Variants in EPHA6 observed in about 807,000 individuals in gnomAD.
EPHA6 encodes the protein ephrin type-A receptor 6.
Under a neutral mutation model 112.0 loss-of-function variants are expected in EPHA6, and 50 were observed. The observed-to-expected ratio is 0.45, with a 90% CI of 0.36 to 0.56. EPHA6 has a LOEUF of 0.56. Ranked by LOEUF, EPHA6 falls within the 20% of genes least tolerant of loss-of-function variation. EPHA6 has a pLI of 0.00. For missense variants in EPHA6, 1,280 were observed against 1,417.4 expected (o/e 0.90, Z 1.56); for synonymous variants, 529 against 490.7 (o/e 1.08, Z -1.03).
intron 10 of EPHA6, among the ~76,000 whole-genome samples, chr3:97,486,494 C>T (rs893830295): frequency 2.0e-5 from 3 of 152,094 alleles, no homozygotes. Flanking sequence ...AAGGTCCTGG[C>T]GGCTGAAGTC....
intron 5 of EPHA6, among the ~76,000 whole-genome samples, chr3:97,335,122 A>G (rs1485447686): frequency 1.3e-5 from 2 of 152,158 alleles, no homozygotes; most frequent in Non-Finnish European, 2.9e-5. Flanking sequence ...CCTAACTCCC[A>G]TTGAGACGTG....
At chr3:97,471,911 C>G (rs1224491972) in intron 7 of EPHA6, among the ~76,000 whole-genome samples, 2 of 151,778 alleles carry the variant, frequency 1.3e-5, no homozygotes, top group Non-Finnish European at 3.0e-5. Flanking sequence ...CATGCTCCCT[C>G]CAAAGTTTCT....
At chr3:97,525,656 T>C (rs951200432) in intron 10 of EPHA6, among the ~76,000 whole-genome samples, 1 of 152,194 alleles carries the variant, frequency 6.6e-6, no homozygotes, top group African/African-American at 2.4e-5. Flanking sequence ...AATTTTCTCC[T>C]AATAGGTCTG....
chr3:97,598,512 G>A lies in EPHA6; in HGVS notation c.2512+5775G>A, dbSNP rs558054112. On this transcript the variant is annotated intron_variant, in intron 12 of 17. Coordinates refer to ENST00000389672, the MANE Select transcript of EPHA6 (RefSeq NM_001080448.3). Reference sequence around the variant, plus strand: ...TTCCCACCTATGAGTGAGAATATGCGGTGTTTGGTTTTTTGTTCTTGTGAT... The same window carrying A: ...TTCCCACCTATGAGTGAGAATATGCAGTGTTTGGTTTTTTGTTCTTGTGAT... Among the ~76,000 whole-genome samples the A allele has an allele frequency of 8.9e-5, 13 of 146,136 alleles. No homozygotes were observed. In the South Asian group the frequency reaches 1.3e-3, roughly 15 times the overall value.
rs751904960 is a variant in EPHA6, at chr3:97,750,013, G to A, written c.*1312G>A. On this transcript the variant is annotated 3_prime_UTR_variant, in exon 18 of 18. Transcript: ENST00000389672. ...CTTCTGAGAGGCTTAAAAAACAAAG[G>A]TAAATATATATTTTAAGTGATTTAA... Among the ~76,000 whole-genome samples the A allele has an allele frequency of 2.0e-5, 3 of 151,998 alleles. No homozygotes were observed. Among genetic ancestry groups the A allele is most frequent in the Non-Finnish European group, 4.4e-5 (3 of 67,994 alleles).
intron 3 of EPHA6, among the ~76,000 whole-genome samples, chr3:97,046,764 C>T (rs1245899000): frequency 1.3e-5 from 2 of 151,840 alleles, no homozygotes; most frequent in South Asian, 4.2e-4. Flanking sequence ...TTAATAATAT[C>T]ATTAAAAAGC....
chr3:97,507,621 T>A (rs2092281504), intron 10 of EPHA6, among the ~76,000 whole-genome samples: 1 of 152,126 alleles, frequency 6.6e-6, no homozygotes, highest in South Asian at 2.1e-4. Context: ...GGTCTGAAAT[T>A]TTCTTTTTTT....
At chr3:97,051,898 A>G (rs1332145138) in intron 3 of EPHA6, among the ~76,000 whole-genome samples, 2 of 152,126 alleles carry the variant, frequency 1.3e-5, no homozygotes, top group Non-Finnish European at 2.9e-5. Flanking sequence ...ATGATATCAT[A>G]CATCTAATAC....
chr3:97,531,188 A>G (rs1241748037), intron 10 of EPHA6, among the ~76,000 whole-genome samples: 1 of 152,008 alleles, frequency 6.6e-6, no homozygotes, highest in Non-Finnish European at 1.5e-5. Flanking sequence ...ATTATGGAAG[A>G]TTTTATTATT....
chr3:97,556,488 G>A (rs575272092), intron 11 of EPHA6, among the ~76,000 whole-genome samples: 243 of 152,154 alleles, frequency 1.6e-3, no homozygotes, highest in Middle Eastern at 3.4e-3. Flanking sequence ...GCAAGGAGAA[G>A]TGCAGAGTGA....
intron 2 of EPHA6, among the ~76,000 whole-genome samples, chr3:96,927,138 A>G (rs537143938): frequency 9.8e-5 from 15 of 152,330 alleles, no homozygotes; most frequent in Non-Finnish European, 1.3e-4. Context: ...TAAGCCGGCA[A>G]GGCTTGGGGC....
At chr3:97,588,013 G>A (rs2093506860) in intron 11 of EPHA6, among the ~76,000 whole-genome samples, 1 of 152,160 alleles carries the variant, frequency 6.6e-6, no homozygotes, top group Admixed American at 6.5e-5. Flanking sequence ...CAATAAAAAT[G>A]TTTGAGCAAG....
At chr3:97,660,588 C>G (rs765494890) in intron 14 of EPHA6, among the ~76,000 whole-genome samples, 1 of 151,968 alleles carries the variant, frequency 6.6e-6, no homozygotes, top group African/African-American at 2.4e-5. Flanking sequence ...CAGAAATATG[C>G]CTCATTAAAA....
intron 2 of EPHA6, among the ~76,000 whole-genome samples, chr3:96,946,434 T>C: frequency 6.6e-6 from 1 of 152,138 alleles, no homozygotes. Flanking sequence ...GTTTCGTTTT[T>C]TGTTCTTGTG....
At chr3:97,147,681 T>A (rs1429556656) in intron 3 of EPHA6, among the ~76,000 whole-genome samples, 11 of 152,048 alleles carry the variant, frequency 7.2e-5, no homozygotes, top group Non-Finnish European at 8.8e-5. Context: ...ATTAAATTGG[T>A]AGTATTAAAA....
intron 5 of EPHA6, among the ~76,000 whole-genome samples, chr3:97,268,663 A>G (rs1339629041): frequency 1.3e-5 from 2 of 152,190 alleles, no homozygotes; most frequent in African/African-American, 4.8e-5. Flanking sequence ...AACAAAGAAT[A>G]TATTTTCTAG....
chr3:97,225,319 T>A (rs762604572), intron 3 of EPHA6, among the ~76,000 whole-genome samples: 3 of 152,206 alleles, frequency 2.0e-5, no homozygotes, highest in Non-Finnish European at 4.4e-5. Context: ...AACTGCATAT[T>A]TTAGTAGAAA....
At chr3:97,634,367 T>C (rs2093927902) in intron 13 of EPHA6, among the ~76,000 whole-genome samples, 1 of 152,024 alleles carries the variant, frequency 6.6e-6, no homozygotes, top group African/African-American at 2.4e-5. Context: ...GAACTATTTG[T>C]AGAGCTTTTT....
intron 11 of EPHA6, among the ~76,000 whole-genome samples, chr3:97,541,290 G>A (rs527491263): frequency 6.6e-5 from 10 of 152,178 alleles, no homozygotes; most frequent in African/African-American, 2.4e-4. Flanking sequence ...CAGTCTTATA[G>A]AAAAAGTTGT....
Sources: allele counts gnomAD v4.1 joint callset (sites outside exome capture counted in the v4.1 genomes callset), GRCh38; gene constraint gnomAD v4.1.1; transcripts MANE v1.5; gene names NCBI Gene and HGNC (gene_info 2026-07-23, HGNC 2026-07-21).